Variants in BRINP3 observed in about 807,000 individuals in gnomAD.
The protein encoded by BRINP3 is BMP/retinoic acid inducible neural specific 3, also known as BMP/retinoic acid-inducible neural-specific protein 3.
In BRINP3, 19 loss-of-function variants were observed where a neutral mutation model predicts 71.0. The observed-to-expected ratio is 0.27, with a 90% CI of 0.19 to 0.39. BRINP3 has a LOEUF of 0.39. BRINP3 is among the 10% of genes least tolerant of loss of function. BRINP3 has a pLI of 1.00. For missense variants in BRINP3, 959 were observed against 940.8 expected (o/e 1.02, Z -0.25); for synonymous variants, 380 against 337.7 (o/e 1.13, Z -1.37).
chr1:190,304,578 T>C (rs576444698), intron 2 of BRINP3, among the ~76,000 whole-genome samples: 1 of 151,896 alleles, frequency 6.6e-6, no homozygotes, highest in East Asian at 1.9e-4. Flanking sequence ...CATGCAGATA[T>C]ATGAAATTAG....
At chr1:190,148,727 C>T (rs1250664613) in intron 7 of BRINP3, among the ~76,000 whole-genome samples, 2 of 152,002 alleles carry the variant, frequency 1.3e-5, no homozygotes, top group Non-Finnish European at 2.9e-5. Flanking sequence ...CTTCTTTTAA[C>T]AGTCTACTGT....
intron 2 of BRINP3, among the ~76,000 whole-genome samples, chr1:190,369,315 T>C (rs1321181924): frequency 6.6e-6 from 1 of 152,084 alleles, no homozygotes; most frequent in Non-Finnish European, 1.5e-5. Context: ...TAAAGTAGCT[T>C]TGTCAACTAT....
chr1:190,463,686 T>TATTC (rs1676546801), intron 1 of BRINP3, among the ~76,000 whole-genome samples: 1 of 151,936 alleles, frequency 6.6e-6, no homozygotes, highest in South Asian at 2.1e-4. Context: ...AGAGCCTCAT[T>TATTC]ATTCAATAAT....
intron 2 of BRINP3, among the ~76,000 whole-genome samples, chr1:190,390,760 T>G (rs1319999046): frequency 6.6e-6 from 1 of 151,710 alleles, no homozygotes; most frequent in African/African-American, 2.4e-5. Flanking sequence ...CATATTTCAG[T>G]GCAAGAAGCT....
At chr1:190,323,020 T>A (rs1288488034) in intron 2 of BRINP3, among the ~76,000 whole-genome samples, 1 of 152,060 alleles carries the variant, frequency 6.6e-6, no homozygotes, top group East Asian at 1.9e-4. Context: ...ATTCAAGGTC[T>A]TAACTGGGGT....
At chr1:190,248,451 C>T (rs184179005) in intron 4 of BRINP3, among the ~76,000 whole-genome samples, 1,648 of 151,624 alleles carry the variant, frequency 0.011, 20 homozygotes, top group Non-Finnish European at 0.016. Context: ...TAATGTGCCA[C>T]CTGCCCATTA....
intron 4 of BRINP3, among the ~76,000 whole-genome samples, chr1:190,255,978 C>T (rs953977801): frequency 1.3e-5 from 2 of 152,170 alleles, no homozygotes; most frequent in African/African-American, 4.8e-5. Flanking sequence ...CCTTTGTTCT[C>T]ATTGGTTTCA....
intron 2 of BRINP3, among the ~76,000 whole-genome samples, chr1:190,288,072 T>A (rs1193621833): frequency 6.6e-6 from 1 of 152,116 alleles, no homozygotes; most frequent in African/African-American, 2.4e-5. Flanking sequence ...ATGCTGTTAA[T>A]GATCTTCTCA....
At chr1:190,373,937 G>A (rs1369533712) in intron 2 of BRINP3, among the ~76,000 whole-genome samples, 2 of 150,988 alleles carry the variant, frequency 1.3e-5, no homozygotes, top group African/African-American at 4.9e-5. Flanking sequence ...AGGAGGCAGT[G>A]TAGTGTAGCG....
intron 4 of BRINP3, among the ~76,000 whole-genome samples, chr1:190,262,713 T>G (rs1017995611): frequency 1.3e-5 from 2 of 152,194 alleles, no homozygotes; most frequent in African/African-American, 4.8e-5. Flanking sequence ...GATTACTCTT[T>G]CTTCCCTCTC....
chr1:190,204,695 T>C (rs899606082), intron 6 of BRINP3, among the ~76,000 whole-genome samples: 1 of 152,072 alleles, frequency 6.6e-6, no homozygotes, highest in South Asian at 2.1e-4. Flanking sequence ...GAATCTCTAA[T>C]ATATTTTCTA....
chr1:190,419,692 C>CACACACAT (rs1673237810), intron 2 of BRINP3, among the ~76,000 whole-genome samples: 1 of 55,582 alleles, frequency 1.8e-5, no homozygotes, highest in Admixed American at 2.3e-4. Flanking sequence ...TACATTTATA[C>CACACACAT]ACACACACAC....
chr1:190,182,325 G>A (rs990179361), intron 6 of BRINP3, among the ~76,000 whole-genome samples: 1 of 151,870 alleles, frequency 6.6e-6, no homozygotes, highest in Non-Finnish European at 1.5e-5. Context: ...AAGAAAGTTG[G>A]ATCTTTTGTT....
intron 2 of BRINP3, among the ~76,000 whole-genome samples, chr1:190,290,079 A>G (rs1663744806): frequency 6.6e-6 from 1 of 152,078 alleles, no homozygotes; most frequent in Non-Finnish European, 1.5e-5. Context: ...GTTTCCTACT[A>G]GTTAGTATAC....
At chr1:190,211,560 A>C (rs988525626) in intron 6 of BRINP3, among the ~76,000 whole-genome samples, 1 of 152,230 alleles carries the variant, frequency 6.6e-6, no homozygotes, top group East Asian at 1.9e-4. Context: ...TGTATCTTCT[A>C]TATATAGCAC....
At chr1:190,232,387 T>C (rs192137456) in intron 5 of BRINP3, among the ~76,000 whole-genome samples, 167 of 152,160 alleles carry the variant, frequency 1.1e-3, no homozygotes, top group Non-Finnish European at 1.6e-3. Context: ...GTTTAAAAGT[T>C]AGCCAACATT....
At chr1:190,301,187 G>GTA (rs1268906421) in intron 2 of BRINP3, among the ~76,000 whole-genome samples, 8 of 29,734 alleles carry the variant, frequency 2.7e-4, no homozygotes, top group African/African-American at 7.0e-4. Flanking sequence ...ATATATATAT[G>GTA]TATATATATA....
intron 2 of BRINP3, among the ~76,000 whole-genome samples, chr1:190,451,967 A>T (rs1022721739): frequency 6.6e-6 from 1 of 152,218 alleles, no homozygotes; most frequent in Non-Finnish European, 1.5e-5. Flanking sequence ...TTCAGAAACA[A>T]TGTCAATGCA....
intron 7 of BRINP3, among the ~76,000 whole-genome samples, chr1:190,127,438 T>C (rs1355427034): frequency 6.6e-6 from 1 of 151,952 alleles, no homozygotes; most frequent in Admixed American, 6.6e-5. Context: ...TCAAGGTATT[T>C]AATCAAATGT....
Sources: gnomAD v4.1 joint callset for allele counts (sites outside exome capture counted in the v4.1 genomes callset) on GRCh38, gnomAD v4.1.1 for gene constraint, MANE v1.5 for transcripts, NCBI Gene and HGNC (gene_info 2026-07-23, HGNC 2026-07-21) for gene names.